Variants in DPYD observed in about 807,000 individuals in gnomAD.
DPYD encodes the protein dihydropyrimidine dehydrogenase, also known as dihydropyrimidine dehydrogenase [NADP(+)].
Under a neutral mutation model 116.2 loss-of-function variants are expected in DPYD, and 109 were observed. That is an observed-to-expected ratio of 0.94 (90% confidence interval 0.80 to 1.10). DPYD has a LOEUF of 1.10. Ranked by LOEUF, DPYD falls within the 50% of genes least tolerant of loss-of-function variation. The pLI, the probability that DPYD is intolerant of heterozygous loss-of-function variation, is 0.00. For missense variants in DPYD, 1,302 were observed against 1,254.5 expected (o/e 1.04, Z -0.57); for synonymous variants, 440 against 432.0 (o/e 1.02, Z -0.23).
chr1:97,579,554 G>A (rs534312922), intron 10 of DPYD, among the ~76,000 whole-genome samples: 17 of 152,340 alleles, frequency 1.1e-4, no homozygotes, highest in African/African-American at 2.4e-4. Flanking sequence ...CACATGCAGC[G>A]TTACTGTTTA....
chr1:97,615,134 C>T (rs1301815952), intron 8 of DPYD, among the ~76,000 whole-genome samples: 1 of 152,096 alleles, frequency 6.6e-6, no homozygotes, highest in African/African-American at 2.4e-5. Flanking sequence ...AGACACAATT[C>T]TTGTTTACAA....
rs954612124 is a variant in DPYD, at chr1:97,414,381, T to C, written c.1906-31920A>G. ...GTAGATGCTGTGAAGCTCAGTAATA[T>C]GGGATATTATCCCTATCTTATGGTC... On this transcript the variant is annotated intron_variant, in intron 14 of 22. Transcript: ENST00000370192. Among the ~76,000 whole-genome samples the C allele has an allele frequency of 9.9e-5, 15 of 152,226 alleles. 1 individual carries two copies. Among genetic ancestry groups the C allele is most frequent in the African/African-American group, 3.6e-4 (15 of 41,468 alleles).
chr1:97,626,238 G>GA (rs1304886164), intron 8 of DPYD, among the ~76,000 whole-genome samples: 1 of 151,696 alleles, frequency 6.6e-6, no homozygotes, highest in South Asian at 2.1e-4. Flanking sequence ...AAATCAATGG[G>GA]AAAAAAATGT....
rs545457800 is a variant in DPYD, at chr1:97,416,211, A to G, written c.1906-33750T>C. Among the ~76,000 whole-genome samples the G allele has an allele frequency of 4.6e-5, 7 of 152,336 alleles. No homozygotes were observed. In the South Asian group the frequency reaches 1.4e-3, roughly 32 times the overall value. ...TATAAAAAGGGCAATCTAATTCCTT[A>G]TAGCTCGGAAAGGACTTCAAACTGT... On this transcript the variant is annotated intron_variant, in intron 14 of 22. Coordinates refer to ENST00000370192, the MANE Select transcript of DPYD (RefSeq NM_000110.4).
intron 18 of DPYD, among the ~76,000 whole-genome samples, chr1:97,238,016 A>T (rs1341076675): frequency 6.6e-6 from 1 of 152,170 alleles, no homozygotes; most frequent in Non-Finnish European, 1.5e-5. Flanking sequence ...AAGGCAACAC[A>T]GCTTTGAAAA....
At chr1:97,352,969 G>C (rs556661010) in intron 16 of DPYD, among the ~76,000 whole-genome samples, 2 of 152,108 alleles carry the variant, frequency 1.3e-5, no homozygotes, top group African/African-American at 2.4e-5. Flanking sequence ...TCAAGCAAGG[G>C]GGGTGGGGGA....
intron 16 of DPYD, among the ~76,000 whole-genome samples, chr1:97,335,999 T>G (rs1669266431): frequency 6.6e-6 from 1 of 152,188 alleles, no homozygotes; most frequent in Non-Finnish European, 1.5e-5. Context: ...AAGTCTCTCT[T>G]TGAGGTGACT....
intron 13 of DPYD, among the ~76,000 whole-genome samples, chr1:97,468,958 T>C (rs1344234225): frequency 6.6e-6 from 1 of 152,192 alleles, no homozygotes; most frequent in East Asian, 1.9e-4. Context: ...AAAATTAGTT[T>C]CCTTGAAAGA....
intron 2 of DPYD, among the ~76,000 whole-genome samples, chr1:97,879,136 T>C (rs1232077894): frequency 6.6e-6 from 1 of 151,992 alleles, no homozygotes; most frequent in Non-Finnish European, 1.5e-5. Flanking sequence ...TATGCTTCCA[T>C]GTGCCTCAAT....
At chr1:97,789,274 C>A (rs1201460614) in intron 3 of DPYD, among the ~76,000 whole-genome samples, 1 of 152,162 alleles carries the variant, frequency 6.6e-6, no homozygotes, top group Non-Finnish European at 1.5e-5. Context: ...TTTGAAAGCA[C>A]TATCCATATA....
intron 21 of DPYD, among the ~76,000 whole-genome samples, chr1:97,082,790 G>C (rs909315842): frequency 2.0e-5 from 3 of 152,106 alleles, no homozygotes; most frequent in African/African-American, 7.2e-5. Context: ...AGTTGTTATG[G>C]CTAACTTTTT....
intron 14 of DPYD, among the ~76,000 whole-genome samples, chr1:97,446,471 T>G (rs943383759): frequency 1.3e-5 from 2 of 152,228 alleles, no homozygotes; most frequent in Non-Finnish European, 2.9e-5. Context: ...GAACCCAATG[T>G]GTACAATGCT....
intron 5 of DPYD, chr1:97,720,739 T>C: frequency 7.0e-7 from 1 of 1,436,454 alleles, no homozygotes; most frequent in Middle Eastern, 2.3e-4. Context: ...TAATTTGACC[T>C]TCTAGCCAAC....
At chr1:97,710,303 T>C (rs1410740391) in intron 5 of DPYD, among the ~76,000 whole-genome samples, 2 of 151,862 alleles carry the variant, frequency 1.3e-5, no homozygotes, top group African/African-American at 2.4e-5. Flanking sequence ...GAGATGCTTC[T>C]ATGTAATTTT....
At chr1:97,913,418 C>G (rs1267573887) in intron 1 of DPYD, among the ~76,000 whole-genome samples, 1 of 152,100 alleles carries the variant, frequency 6.6e-6, no homozygotes, top group Non-Finnish European at 1.5e-5. Flanking sequence ...CCTTAAAAGA[C>G]TGATCAACAG....
At chr1:97,216,189 T>C (rs546291234) in intron 19 of DPYD, among the ~76,000 whole-genome samples, 18 of 152,340 alleles carry the variant, frequency 1.2e-4, no homozygotes, top group African/African-American at 4.3e-4. Flanking sequence ...TTCATGTCTC[T>C]GTCTCAAAAG....
intron 20 of DPYD, among the ~76,000 whole-genome samples, chr1:97,103,150 T>A (rs1462181242): frequency 6.6e-6 from 1 of 152,132 alleles, no homozygotes; most frequent in African/African-American, 2.4e-5. Context: ...CTGCTCAGCA[T>A]GATTCAAGGT....
chr1:97,502,887 A>G (rs1210575509), intron 13 of DPYD, among the ~76,000 whole-genome samples: 5 of 152,182 alleles, frequency 3.3e-5, no homozygotes, highest in Admixed American at 6.6e-5. Context: ...GAATACTGTA[A>G]AAAGGCAGAG....
intron 19 of DPYD, among the ~76,000 whole-genome samples, chr1:97,196,786 T>A (rs1390987948): frequency 4.6e-5 from 7 of 152,174 alleles, no homozygotes; most frequent in Admixed American, 3.3e-4. Context: ...CAATAGAATA[T>A]GACCTAGATA....
Sources: allele counts gnomAD v4.1 joint callset (sites outside exome capture counted in the v4.1 genomes callset), GRCh38; gene constraint gnomAD v4.1.1; transcripts MANE v1.5; gene names NCBI Gene and HGNC (gene_info 2026-07-23, HGNC 2026-07-21).